The following CLDN16 variants were observed in gnomAD, a reference collection of about 807,000 sequenced individuals.
The protein encoded by CLDN16 is claudin-16.
In CLDN16, 13 loss-of-function variants were observed where a neutral mutation model predicts 24.6. That is an observed-to-expected ratio of 0.53 (90% CI 0.34 to 0.84). CLDN16 has a LOEUF of 0.84. Among genes scored for constraint, CLDN16 ranks in the 40% least tolerant of loss-of-function variants. The probability of loss-of-function intolerance (pLI) is 0.01; values close to 1 mark genes in which losing one functional copy is unlikely to be tolerated. For missense variants in CLDN16, 298 were observed against 292.7 expected (o/e 1.02, Z -0.13); for synonymous variants, 116 against 106.7 (o/e 1.09, Z -0.54).
At chr3:190,290,988 T>C in the CLDN16 span, among the ~76,000 whole-genome samples, 1 of 152,072 alleles carries the variant, frequency 6.6e-6, no homozygotes, top group South Asian at 2.1e-4. Context: ...TAGAGAGTAA[T>C]GAGGGGCTGG....
chr3:190,313,790 T>C, the CLDN16 span, among the ~76,000 whole-genome samples: 2 of 152,208 alleles, frequency 1.3e-5, no homozygotes, highest in South Asian at 4.1e-4. Flanking sequence ...GATTCCATTT[T>C]TTCTAATTTC....
intron 1 of CLDN16, among the ~76,000 whole-genome samples, chr3:190,340,818 A>G (rs112554364): frequency 0.043 from 6,600 of 152,226 alleles, 330 homozygotes; most frequent in African/African-American, 0.12. Context: ...CCTAGATACA[A>G]TGGGGGTACA....
chr3:190,326,561 G>A (rs1717066782), intron 1 of CLDN16, among the ~76,000 whole-genome samples: 1 of 152,154 alleles, frequency 6.6e-6, no homozygotes, highest in Non-Finnish European at 1.5e-5. Flanking sequence ...CTGAGGAGGG[G>A]TTGGCCAAGA....
the CLDN16 span, among the ~76,000 whole-genome samples, chr3:190,292,520 T>TTA: frequency 6.6e-6 from 1 of 152,194 alleles, no homozygotes; most frequent in Admixed American, 6.5e-5. Flanking sequence ...TTCCCCATTG[T>TTA]CTTGGCTATT....
At chr3:190,322,121 TG>T, upstream of CLDN16, 1 of 1,614,172 alleles carries the variant, frequency 6.2e-7, no homozygotes, top group South Asian at 1.1e-5. Context: ...AATCCTCCAC[TG>T]GGGCAGGGCA....
intron 3 of CLDN16, 126 bp from the exon 4 acceptor site, chr3:190,408,188 A>G (rs530189091): frequency 4.3e-6 from 4 of 926,972 alleles, no homozygotes; most frequent in South Asian, 2.6e-5. Flanking sequence ...CGGGTTGCCC[A>G]TGAATCCATG....
chr3:190,346,820 G>C (rs1026488014), intron 1 of CLDN16, among the ~76,000 whole-genome samples: 1 of 152,084 alleles, frequency 6.6e-6, no homozygotes, highest in Admixed American at 6.6e-5. Context: ...ATTCTCCCCT[G>C]TGTCTCCCAT....
chr3:190,382,242 A>C (rs1010723576), intron 3 of CLDN16, among the ~76,000 whole-genome samples: 1 of 151,918 alleles, frequency 6.6e-6, no homozygotes, highest in Non-Finnish European at 1.5e-5. Context: ...CACTCAAAAC[A>C]CCCCCCATTG....
chr3:190,388,131 G>T (rs978876319), upstream of CLDN16: 2 of 1,613,726 alleles, frequency 1.2e-6, no homozygotes, highest in Non-Finnish European at 1.7e-6. Context: ...TGACCTCCAG[G>T]ACCCCACTGT....
At chr3:190,349,157 A>G (rs1385068762) in intron 1 of CLDN16, among the ~76,000 whole-genome samples, 1 of 152,188 alleles carries the variant, frequency 6.6e-6, no homozygotes, top group Non-Finnish European at 1.5e-5. Flanking sequence ...TCCCCACCCA[A>G]ATCCAGTTGT....
intron 3 of CLDN16, among the ~76,000 whole-genome samples, chr3:190,378,627 T>A (rs1207406922): frequency 6.6e-6 from 1 of 152,074 alleles, no homozygotes; most frequent in Non-Finnish European, 1.5e-5. Flanking sequence ...TGAGTCCTGC[T>A]GTCGGATCTT....
At chr3:190,335,112 T>G (rs1204442729) in intron 1 of CLDN16, among the ~76,000 whole-genome samples, 1 of 151,400 alleles carries the variant, frequency 6.6e-6, no homozygotes, top group Non-Finnish European at 1.5e-5. Context: ...GGCACGATCT[T>G]AACTCACTGC....
At position 190,405,379 on chromosome 3, in the gene CLDN16, C is replaced by T. The variant is rs547697989; in HGVS notation, c.382+453C>T. On this transcript the variant is annotated intron_variant, in intron 3 of 4. Coordinates refer to ENST00000264734, the MANE Select transcript of CLDN16 (RefSeq NM_006580.4). ...GGCGGAGGTTGCAGTGAGCAGAGAT[C>T]GCGCCACTGCACTCCAGCCTGGGCA... is the stretch of plus-strand genomic sequence containing the variant. 4.9e-5 allele frequency among the ~76,000 whole-genome samples: 7 copies of T among 142,376 alleles called. No homozygotes were observed. The South Asian group carries it at 1.4e-3, about 28-fold the overall frequency. 93.4% of individuals were successfully genotyped at this position (142,376 alleles called of 152,430 possible). A position where few individuals can be genotyped will look rare whatever the true frequency, so the allele number is the denominator to read the frequency against.
Position 190,408,385 on chromosome 3 carries a change from C to G in CLDN16, c.454C>G (p.His152Asp), listed in dbSNP as rs1329454729. ...VYVERSTLVL[H>D]NIFLGIQYKF... Reference sequence around the variant, plus strand: ...TGTGGAACGTTCTACTTTGGTTTTGCACAATATATTTCTTGGTATCCAATA... The same window carrying G: ...TGTGGAACGTTCTACTTTGGTTTTGGACAATATATTTCTTGGTATCCAATA... Residue 152 changes from histidine to aspartate, a missense_variant, in exon 4 of 5, where the codon CAC (histidine) becomes GAC (aspartate). His to Asp is a moderately conservative substitution (Grantham distance 81). Transcript: ENST00000264734. 5 of 1,614,070 alleles carry G rather than the reference C, an allele frequency of 3.1e-6. No individual in the cohort carries two copies. In the South Asian group the frequency reaches 5.5e-5, roughly 18 times the overall value.
chr3:190,373,653 T>C (rs963095314), intron 2 of CLDN16, among the ~76,000 whole-genome samples: 1 of 151,912 alleles, frequency 6.6e-6, no homozygotes, highest in African/African-American at 2.4e-5. Context: ...AAGATAAGAT[T>C]ATTTAATCTA....
At chr3:190,336,752 T>G (rs1269719887) in intron 1 of CLDN16, among the ~76,000 whole-genome samples, 1 of 152,254 alleles carries the variant, frequency 6.6e-6, no homozygotes, top group Non-Finnish European at 1.5e-5. Context: ...CCATGCCATC[T>G]GCAGCAGAGC....
chr3:190,290,677 C>A, the CLDN16 span, among the ~76,000 whole-genome samples: 1 of 152,098 alleles, frequency 6.6e-6, no homozygotes, highest in East Asian at 1.9e-4. Context: ...GGTAATACAA[C>A]CTTTATCTTA....
intron 3 of CLDN16, among the ~76,000 whole-genome samples, chr3:190,405,379 C>G (rs547697989): frequency 7.0e-6 from 1 of 142,288 alleles, no homozygotes; most frequent in Admixed American, 7.4e-5. Flanking sequence ...GAGCAGAGAT[C>G]GCGCCACTGC....
At chr3:190,312,984 C>T in the CLDN16 span, 1 of 1,614,170 alleles carries the variant, frequency 6.2e-7, no homozygotes, top group African/African-American at 1.3e-5. Context: ...AGATTGCTAT[C>T]ACTCCCAGGA....
Sources: allele counts gnomAD v4.1 joint callset (sites outside exome capture counted in the v4.1 genomes callset), GRCh38; gene constraint gnomAD v4.1.1; transcripts MANE v1.5; gene names NCBI Gene and HGNC (gene_info 2026-07-23, HGNC 2026-07-21).